Variants in UCMA observed in about 807,000 individuals in gnomAD.
UCMA encodes the protein upper zone of growth plate and cartilage matrix associated.
UCMA carries 21 observed loss-of-function variants against 21.8 expected under a neutral mutation model. The observed-to-expected ratio is 0.97, with a 90% CI of 0.68 to 1.39. The LOEUF (loss-of-function observed/expected upper bound fraction) is 1.39, where lower values mean the gene tolerates loss of function less well. UCMA is among the 40% of genes most tolerant of loss of function. UCMA has a pLI of 0.00. For synonymous variants in UCMA, 76 were observed against 67.9 expected (o/e 1.12, Z -0.58); for missense variants, 193 against 178.9 (o/e 1.08, Z -0.45).
intron 4 of UCMA, among the ~76,000 whole-genome samples, chr10:13,227,446 G>A (rs10906325): frequency 0.37 from 55,561 of 151,996 alleles, 10,413 homozygotes; most frequent in Admixed American, 0.42. Flanking sequence ...GGCTAGGTGC[G>A]ATGGCCCACG....
rs1166872012 is a variant in UCMA, at chr10:13,233,537, C to G, written c.220+1G>C. The stretch of plus-strand genomic sequence containing the variant: ...GGATGGGGTCCCTCCAGCATCCTTA[C>G]CATTGACCTCATCTCTGGACTTGGG... On this transcript the variant is annotated splice_donor_variant, in intron 3 of 4. Transcript: ENST00000378681. LOFTEE classifies it high-confidence loss of function. The G allele has an allele frequency of 1.2e-6, 2 of 1,613,684 alleles. No individual in the cohort carries two copies. The highest frequency in any genetic ancestry group is 2.2e-5 in the East Asian group (1 of 44,866).
rs780083351 is a variant in UCMA at position 13,222,209 on chromosome 10, G to A, written c.320-9C>T. 1.9e-6 allele frequency: 3 copies of A among 1,612,952 alleles called. No individual in the cohort carries two copies. In the South Asian group the frequency reaches 3.3e-5, roughly 18 times the overall value. ...GCTCCTCTCTTCCTGCTCTGGGGAG[G>A]AAAGACAAAGCCACCTGTTAGGACA... On this transcript the variant is annotated splice_polypyrimidine_tract_variant and intron_variant, in intron 4 of 4. Transcript: ENST00000378681.
intron 1 of UCMA, among the ~76,000 whole-genome samples, 183 bp from the exon 2 acceptor site, chr10:13,233,983 T>C (rs190866610): frequency 6.6e-6 from 1 of 151,616 alleles, no homozygotes; most frequent in African/African-American, 2.4e-5. Context: ...CTGGCTTGGG[T>C]TTTTTTTCTA....
In UCMA at chr10:13,233,562, GGGACCGCTTGCC is replaced by G. The variant is rs1834928185; in HGVS notation, c.184_195del (p.Gly62_Ser65del). 2.5e-6 allele frequency: 4 copies of G among 1,613,926 alleles called. No homozygotes were observed. Among genetic ancestry groups the G allele is most frequent in the Non-Finnish European group, 3.4e-6 (4 of 1,180,018 alleles). ...CCATTGACCTCATCTCTGGACTTGG[GGGACCGCTTGCC>G]GCGCCTCTTGAGGAAATTCGAGGCA... On this transcript the variant is annotated inframe_deletion, in exon 3 of 5. Coordinates refer to ENST00000378681, the MANE Select transcript of UCMA (RefSeq NM_145314.3).
chr10:13,228,843 A>G (rs1301215044), intron 4 of UCMA, among the ~76,000 whole-genome samples: 1 of 118,486 alleles, frequency 8.4e-6, no homozygotes, highest in African/African-American at 3.4e-5. Flanking sequence ...CCCCATCCCC[A>G]CAGCCCCAAG....
chr10:13,225,979 C>T (rs1021237293), intron 4 of UCMA, among the ~76,000 whole-genome samples: 1 of 152,164 alleles, frequency 6.6e-6, no homozygotes, highest in African/African-American at 2.4e-5. Context: ...CTGAGGGCTA[C>T]TCTGCTTTAT....
intron 4 of UCMA, 94 bp from the exon 5 acceptor site, chr10:13,222,294 G>A (rs921557393): frequency 3.6e-6 from 4 of 1,103,742 alleles, no homozygotes; most frequent in Non-Finnish European, 4.0e-6. Context: ...GCCCTGTGGT[G>A]ACCTGCACTG....
intron 3 of UCMA, among the ~76,000 whole-genome samples, chr10:13,233,172 C>T (rs983955884): frequency 4.6e-5 from 7 of 152,118 alleles, no homozygotes; most frequent in African/African-American, 1.7e-4. Context: ...ATGTGTGGGT[C>T]GCCTCCAGAC....
rs759359783 is a variant in UCMA at position 13,233,792 on chromosome 10, C to A, written c.67G>T (p.Glu23Ter). 1.2e-6 allele frequency: 2 copies of A among 1,613,730 alleles called. No homozygotes were observed. Among genetic ancestry groups the A allele is most frequent in the African/African-American group, 2.7e-5 (2 of 74,822 alleles). The change falls in exon 2 of 5, where the codon GAG becomes TAG. Residue 23 changes from glutamate to a stop codon, truncating the protein, a stop_gained. Transcript: ENST00000378681. LOFTEE classifies it high-confidence loss of function. ...SAVVLLSMLR[E>*]GTSVSVGTMQ... ...GTGCCCACAGATACACTGGTTCCCT[C>A]TCTCAGCACTGCAGGACAAGGGCAC...
chr10:13,225,888 C>A (rs1834818547), intron 4 of UCMA, among the ~76,000 whole-genome samples: 7 of 152,078 alleles, frequency 4.6e-5, no homozygotes, highest in Admixed American at 4.6e-4. Context: ...ATGATTTCCA[C>A]CTTTTCCAAA....
intron 4 of UCMA, among the ~76,000 whole-genome samples, chr10:13,224,391 GAA>G (rs1202655311): frequency 1.3e-5 from 2 of 148,426 alleles, no homozygotes; most frequent in Admixed American, 1.4e-4. Context: ...AGAGAAGAAA[GAA>G]AGAGAAAAAA....
At position 13,222,216 on chromosome 10, in the gene UCMA, A is replaced by G; in HGVS notation, c.320-16T>C. 6.2e-7 allele frequency: 1 copy of G among 1,612,372 alleles called. No individual in the cohort carries two copies. Among genetic ancestry groups the G allele is most frequent in the Non-Finnish European group, 8.5e-7 (1 of 1,179,372 alleles). On this transcript the variant is annotated splice_polypyrimidine_tract_variant and intron_variant, in intron 4 of 4. Transcript: ENST00000378681. The stretch of plus-strand genomic sequence containing the variant: ...TCTTCCTGCTCTGGGGAGGAAAGAC[A>G]AAGCCACCTGTTAGGACAGGGGGAC...
chr10:13,232,742 G>C (rs1434919803), intron 3 of UCMA, among the ~76,000 whole-genome samples: 1 of 152,118 alleles, frequency 6.6e-6, no homozygotes, highest in Non-Finnish European at 1.5e-5. Flanking sequence ...CAGGCACGAG[G>C]AGGAAAGACT....
chr10:13,222,027 A>G lies in UCMA; in HGVS notation c.*76T>C. On this transcript the variant is annotated 3_prime_UTR_variant, in exon 5 of 5. Coordinates refer to ENST00000378681, the MANE Select transcript of UCMA (RefSeq NM_145314.3). ...GAGACCCTCTGAAGGGCCGGTTTGCATGGGAAAGATTGCTGGAACACGGGG... is the reference window on the plus strand; with the variant it reads ...GAGACCCTCTGAAGGGCCGGTTTGCGTGGGAAAGATTGCTGGAACACGGGG... 1.3e-6 allele frequency: 2 copies of G among 1,534,052 alleles called. No individual in the cohort carries two copies. Among genetic ancestry groups the G allele is most frequent in the Non-Finnish European group, 1.8e-6 (2 of 1,110,608 alleles).
chr10:13,232,860 G>A (rs1237808305), intron 3 of UCMA, among the ~76,000 whole-genome samples: 1 of 151,912 alleles, frequency 6.6e-6, no homozygotes, highest in Admixed American at 6.6e-5. Flanking sequence ...AGGGCATGAG[G>A]ACCCTGAAGC....
intron 3 of UCMA, among the ~76,000 whole-genome samples, chr10:13,232,595 T>A (rs1290445955): frequency 6.6e-6 from 1 of 152,080 alleles, no homozygotes; most frequent in Non-Finnish European, 1.5e-5. Flanking sequence ...CTTATTCAAT[T>A]TTTTTTAAAA....
At position 13,229,601 on chromosome 10, in the gene UCMA, G is replaced by C; in HGVS notation, c.319+10C>G. ...CACCTCCCTGAAGACACTGGCTGAA[G>C]AGCTCTTACCATCGTTTTGTTCCTC... On this transcript the variant is annotated intron_variant, in intron 4 of 4. Coordinates refer to ENST00000378681, the MANE Select transcript of UCMA (RefSeq NM_145314.3). 1.9e-6 allele frequency: 3 copies of C among 1,612,498 alleles called. No individual in the cohort carries two copies. The highest frequency in any genetic ancestry group is 2.5e-6 in the Non-Finnish European group (3 of 1,178,878).
At chr10:13,230,666 C>A (rs189836847) in intron 3 of UCMA, among the ~76,000 whole-genome samples, 1 of 152,292 alleles carries the variant, frequency 6.6e-6, no homozygotes, top group Admixed American at 6.5e-5. Context: ...CTGAAGGAAG[C>A]AGAGAAGCTG....
chr10:13,233,514 A>G (rs4750327), intron 3 of UCMA, 24 bp downstream of exon 3: 1,596,056 of 1,601,250 alleles, frequency 1, 795,602 homozygotes, highest in East Asian at 1. Flanking sequence ...TGGACGCGGG[A>G]TGGGGTCCCT....
Sources: allele counts gnomAD v4.1 joint callset (sites outside exome capture counted in the v4.1 genomes callset), GRCh38; gene constraint gnomAD v4.1.1; transcripts MANE v1.5; gene names NCBI Gene and HGNC (gene_info 2026-07-23, HGNC 2026-07-21).